MRPS28: variants seen among roughly 807,000 people sequenced by gnomAD.
MRPS28 encodes the protein small ribosomal subunit protein bS1m.
A neutral mutation model predicts 10.8 loss-of-function variants in MRPS28; 7 were observed. The ratio of observed to expected loss-of-function variants is 0.65; its 90% CI spans 0.37 to 1.22. The LOEUF is 1.22. Ranked by LOEUF, MRPS28 falls within the 50% of genes most tolerant of loss-of-function variation. The pLI is 0.02. For missense variants in MRPS28, 265 were observed against 232.9 expected (o/e 1.14, Z -0.90); for synonymous variants, 121 against 93.3 (o/e 1.30, Z -1.71).
intron 2 of MRPS28, among the ~76,000 whole-genome samples, chr8:79,977,133 T>C (rs937927926): frequency 6.6e-6 from 1 of 152,202 alleles, no homozygotes; most frequent in Non-Finnish European, 1.5e-5. Flanking sequence ...TTCAAAATTA[T>C]AGAGAGTATG....
At chr8:79,948,596 TTTTAAG>T (rs2129960426) in intron 2 of MRPS28, among the ~76,000 whole-genome samples, 1 of 152,358 alleles carries the variant, frequency 6.6e-6, no homozygotes, top group East Asian at 1.9e-4. Context: ...TTGATGTTAA[TTTTAAG>T]TTTTTTTTTA....
At chr8:79,982,232 G>A (rs550354562) in intron 2 of MRPS28, among the ~76,000 whole-genome samples, 1 of 152,176 alleles carries the variant, frequency 6.6e-6, no homozygotes, top group Non-Finnish European at 1.5e-5. Flanking sequence ...GGGCAACTGA[G>A]TGAGACTCCA....
In MRPS28 at chr8:79,959,927, G is replaced by A. The variant is rs1807330925; in HGVS notation, c.396-40779C>T. ...TACTTTCTCTTCTTGAAAAAGCACA[G>A]AGGCTAAACATTGATTTAAACGTCT... On this transcript the variant is annotated intron_variant, in intron 2 of 2. Transcript: ENST00000276585. Among the ~76,000 whole-genome samples, 4 of 152,090 alleles carry A rather than the reference G, an allele frequency of 2.6e-5. No homozygotes were observed. In the South Asian group the frequency reaches 8.3e-4, roughly 32 times the overall value.
At chr8:79,964,172 A>G (rs562523392) in intron 2 of MRPS28, among the ~76,000 whole-genome samples, 19 of 152,242 alleles carry the variant, frequency 1.2e-4, no homozygotes, top group Admixed American at 6.5e-4. Context: ...GTAGGGCCAG[A>G]AAGCAGGTGA....
intron 2 of MRPS28, among the ~76,000 whole-genome samples, chr8:79,980,078 C>T (rs1056805556): frequency 6.6e-5 from 10 of 152,074 alleles, no homozygotes; most frequent in East Asian, 1.9e-4. Flanking sequence ...GCTAGTAAGA[C>T]GTATGTAAAG....
At chr8:80,004,102 C>T (rs931792929) in intron 1 of MRPS28, among the ~76,000 whole-genome samples, 5 of 152,212 alleles carry the variant, frequency 3.3e-5, no homozygotes, top group African/African-American at 4.8e-5. Context: ...CCTCTGTAGA[C>T]GTAAATGTCC....
rs139176832 is a variant in MRPS28, at chr8:80,018,608, A to C, written c.213+11428T>G. On this transcript the variant is annotated intron_variant, in intron 1 of 2. Coordinates refer to ENST00000276585, the MANE Select transcript of MRPS28 (RefSeq NM_014018.3). ...CAAAAAACAAATAACCAAAACTAAA[A>C]ATAGAGCCACCATATGATCCAGCAA... Among the ~76,000 whole-genome samples the C allele has an allele frequency of 6.4e-3, 973 of 152,268 alleles. 9 individuals are homozygous for C. Among genetic ancestry groups the C allele is most frequent in the African/African-American group, 0.022 (908 of 41,550 alleles).
intron 2 of MRPS28, among the ~76,000 whole-genome samples, chr8:79,986,553 A>G (rs953343287): frequency 1.3e-5 from 2 of 152,240 alleles, no homozygotes; most frequent in African/African-American, 2.4e-5. Flanking sequence ...AATCTCCTTA[A>G]GCTGATAAGA....
At chr8:80,006,560 T>A (rs1294001782) in intron 1 of MRPS28, among the ~76,000 whole-genome samples, 5 of 151,988 alleles carry the variant, frequency 3.3e-5, no homozygotes, top group African/African-American at 9.7e-5. Flanking sequence ...AAGAATCACA[T>A]AGACGCAATA....
chr8:79,958,545 T>C (rs1440521959), intron 2 of MRPS28: 1 of 578,112 alleles, frequency 1.7e-6, no homozygotes, highest in Non-Finnish European at 3.0e-6. Flanking sequence ...AAGGCATTTA[T>C]TAAGAAAGAG....
At chr8:79,988,033 CAAT>C (rs1351398182) in intron 2 of MRPS28, among the ~76,000 whole-genome samples, 1 of 151,664 alleles carries the variant, frequency 6.6e-6, no homozygotes, top group Non-Finnish European at 1.5e-5. Flanking sequence ...AAATGTCCAA[CAAT>C]GATAGACTGA....
chr8:79,943,196 G>A (rs187432396), intron 2 of MRPS28, among the ~76,000 whole-genome samples: 240 of 152,296 alleles, frequency 1.6e-3, no homozygotes, highest in Non-Finnish European at 2.8e-3. Flanking sequence ...CCTTACAGAT[G>A]AAAGAAGAGT....
At chr8:80,004,731 A>C (rs1313133978) in intron 1 of MRPS28, among the ~76,000 whole-genome samples, 1 of 152,136 alleles carries the variant, frequency 6.6e-6, no homozygotes, top group Non-Finnish European at 1.5e-5. Flanking sequence ...GAAGCTAAAA[A>C]CCTTGAAAAA....
chr8:79,988,666 C>A (rs145822555), intron 2 of MRPS28, among the ~76,000 whole-genome samples: 4,670 of 152,118 alleles, frequency 0.031, 115 homozygotes, highest in South Asian at 0.11. Context: ...TAAAAGTATT[C>A]TTTAATTATT....
intron 2 of MRPS28, among the ~76,000 whole-genome samples, chr8:79,935,785 T>A (rs1212655140): frequency 6.6e-6 from 1 of 152,204 alleles, no homozygotes; most frequent in South Asian, 2.1e-4. Flanking sequence ...AGTATTTCTA[T>A]ACAAATATTA....
At chr8:79,920,948 C>T (rs1375646491) in intron 2 of MRPS28, among the ~76,000 whole-genome samples, 4 of 152,172 alleles carry the variant, frequency 2.6e-5, no homozygotes, top group Middle Eastern at 3.2e-3. Flanking sequence ...TTTAATCCAT[C>T]TTGAATTAAT....
intron 2 of MRPS28, among the ~76,000 whole-genome samples, chr8:79,978,206 A>G (rs1317584322): frequency 6.6e-6 from 1 of 152,186 alleles, no homozygotes; most frequent in Admixed American, 6.5e-5. Context: ...CTTAACAGTA[A>G]AGTGATAGGG....
chr8:79,925,997 G>GAAAAAAAA (rs1158532607), intron 2 of MRPS28, among the ~76,000 whole-genome samples: 2 of 79,584 alleles, frequency 2.5e-5, no homozygotes. Context: ...GAAAAGAAAA[G>GAAAAAAAA]AAAAAAAAAA....
In MRPS28 at chr8:79,942,597, G is replaced by T. The variant is rs139524673; in HGVS notation, c.396-23449C>A. ...TGAGAAGTCCAATTCTAGAAGTCTGGAGTCAGAGTTGTTATGGGTCAGTGT... is the reference window on the plus strand; with the variant it reads ...TGAGAAGTCCAATTCTAGAAGTCTGTAGTCAGAGTTGTTATGGGTCAGTGT... On this transcript the variant is annotated intron_variant, in intron 2 of 2. Transcript: ENST00000276585. Among the ~76,000 whole-genome samples, 324 of 152,250 alleles carry T rather than the reference G, an allele frequency of 2.1e-3. 5 individuals carry two copies. Among genetic ancestry groups the T allele is most frequent in the African/African-American group, 7.1e-3 (293 of 41,556 alleles).
Sources: gnomAD v4.1 joint callset for allele counts (sites outside exome capture counted in the v4.1 genomes callset) on GRCh38, gnomAD v4.1.1 for gene constraint, MANE v1.5 for transcripts, NCBI Gene and HGNC (gene_info 2026-07-23, HGNC 2026-07-21) for gene names.